Variants in GAB1 observed in about 807,000 individuals in gnomAD.
GAB1 encodes GRB2 associated binding protein 1, also known as GRB2-associated-binding protein 1.
In GAB1, 19 loss-of-function variants were observed where a neutral mutation model predicts 66.5. That is an observed-to-expected ratio of 0.29 (90% CI 0.20 to 0.42). The LOEUF is 0.42. Ranked by LOEUF, GAB1 falls within the 10% of genes least tolerant of loss-of-function variation. The probability of loss-of-function intolerance (pLI) is 1.00; values close to 1 mark genes in which losing one functional copy is unlikely to be tolerated. For missense variants in GAB1, 732 were observed against 858.5 expected (o/e 0.85, Z 1.84); for synonymous variants, 294 against 301.4 (o/e 0.98, Z 0.25).
chr4:143,366,780 T>C (rs62337519), intron 1 of GAB1, among the ~76,000 whole-genome samples: 6,463 of 152,236 alleles, frequency 0.042, 142 homozygotes, highest in African/African-American at 0.052. Context: ...CTAGAAATTT[T>C]CAATTTGAAA....
intron 1 of GAB1, among the ~76,000 whole-genome samples, chr4:143,374,639 G>A (rs1730335276): frequency 6.6e-6 from 1 of 152,190 alleles, no homozygotes. Flanking sequence ...CTATCACAGG[G>A]TTCACATGGG....
In GAB1 at chr4:143,353,406, C is replaced by A. The variant is rs541931915; in HGVS notation, c.72+16146C>A. Among the ~76,000 whole-genome samples the A allele has an allele frequency of 3.3e-5, 5 of 152,262 alleles. No homozygotes were observed. In the East Asian group the frequency reaches 9.7e-4, roughly 29 times the overall value. On this transcript the variant is annotated intron_variant, in intron 1 of 9. Coordinates refer to ENST00000262994, the MANE Select transcript of GAB1 (RefSeq NM_002039.4). The stretch of plus-strand genomic sequence containing the variant: ...GTTAAATGTATGTTTTCTAATCTAT[C>A]TCTTTTAACCTAAACTTTGATTTTA...
intron 2 of GAB1, among the ~76,000 whole-genome samples, chr4:143,432,758 G>T (rs185218060): frequency 6.6e-6 from 1 of 152,184 alleles, no homozygotes; most frequent in African/African-American, 2.4e-5. Context: ...AATTTCACAT[G>T]GTTTTCAAAT....
rs1736073907 is a variant in GAB1 at position 143,471,369 on chromosome 4, G to A, written c.*2180G>A. The A allele has an allele frequency of 6.6e-6, 1 of 152,154 alleles. No homozygotes were observed. Among genetic ancestry groups the A allele is most frequent in the African/African-American group, 2.4e-5 (1 of 41,450 alleles). 9.4% of individuals were successfully genotyped at this position (152,154 alleles called of 1,614,324 possible). On this transcript the variant is annotated 3_prime_UTR_variant, in exon 10 of 10. Transcript: ENST00000262994. ...CTAAATCACATTGAACATTGTATTA[G>A]AGAATTAAATTAAAAGTTTCTTACA... is the stretch of plus-strand genomic sequence containing the variant.
chr4:143,403,589 G>A (rs1436599599), intron 1 of GAB1, among the ~76,000 whole-genome samples: 2 of 152,206 alleles, frequency 1.3e-5, no homozygotes, highest in East Asian at 1.9e-4. Flanking sequence ...TCCAAGAATC[G>A]TGTTTTATGA....
At chr4:143,367,719 G>GTT (rs71588248) in intron 1 of GAB1, among the ~76,000 whole-genome samples, 25,141 of 94,560 alleles carry the variant, frequency 0.27, 2,415 homozygotes, top group South Asian at 0.41. Flanking sequence ...TCAGATGAGG[G>GTT]TTTTTTTTTT....
At chr4:143,339,862 G>A (rs1353145520) in intron 1 of GAB1, among the ~76,000 whole-genome samples, 1 of 152,204 alleles carries the variant, frequency 6.6e-6, no homozygotes, top group African/African-American at 2.4e-5. Context: ...GGATGAATGT[G>A]CCTAATAGCT....
At chr4:143,339,771 A>T (rs1728768407) in intron 1 of GAB1, among the ~76,000 whole-genome samples, 1 of 152,188 alleles carries the variant, frequency 6.6e-6, no homozygotes, top group Non-Finnish European at 1.5e-5. Flanking sequence ...GGCTGTTCTG[A>T]GGAACAAGTT....
At chr4:143,399,592 CATATCA>C (rs1204325918) in intron 1 of GAB1, among the ~76,000 whole-genome samples, 2 of 152,144 alleles carry the variant, frequency 1.3e-5, no homozygotes, top group Non-Finnish European at 2.9e-5. Context: ...AAAAGAAACC[CATATCA>C]ATACACTGCA....
At chr4:143,346,487 G>A (rs1410329933) in intron 1 of GAB1, among the ~76,000 whole-genome samples, 2 of 152,200 alleles carry the variant, frequency 1.3e-5, no homozygotes. Flanking sequence ...CTAAGGTGCT[G>A]GTGGAGGGAT....
At chr4:143,460,720 A>C (rs28924069) in intron 8 of GAB1, among the ~76,000 whole-genome samples, 1,818 of 152,222 alleles carry the variant, frequency 0.012, 39 homozygotes, top group African/African-American at 0.042. Context: ...CAGCAGCACA[A>C]CCCTGTAGTT....
intron 1 of GAB1, among the ~76,000 whole-genome samples, chr4:143,364,150 T>C (rs1204885107): frequency 6.7e-6 from 1 of 149,086 alleles, no homozygotes; most frequent in African/African-American, 2.5e-5. Context: ...ACCACACCAT[T>C]GCACTCCAGC....
intron 3 of GAB1, among the ~76,000 whole-genome samples, chr4:143,434,439 C>A (rs1435795619): frequency 6.6e-6 from 1 of 151,376 alleles, no homozygotes; most frequent in African/African-American, 2.4e-5. Context: ...ACTGTAACCC[C>A]AAACTCCTGG....
chr4:143,460,607 G>T, intron 8 of GAB1, 120 bp downstream of exon 8: 1 of 851,952 alleles, frequency 1.2e-6, no homozygotes, highest in Non-Finnish European at 1.7e-6. Flanking sequence ...AGCAGTAAAA[G>T]ACAACTTTTA....
In GAB1 at chr4:143,350,070, G is replaced by A; in HGVS notation, c.72+12810G>A. The A allele has an allele frequency of 2.7e-6, 4 of 1,480,422 alleles. No homozygotes were observed. In the Admixed American group the frequency reaches 7.6e-5, roughly 28 times the overall value. 91.7% of individuals were successfully genotyped at this position (1,480,422 alleles called of 1,614,324 possible). ...AGCCACCGCGGTTCCCCATCCCAGG[G>A]CCACCAGGGCCTCCGGGCCCTCCCG... On this transcript the variant is annotated intron_variant, in intron 1 of 9. Transcript: ENST00000262994.
chr4:143,339,814 A>G (rs548838711), intron 1 of GAB1, among the ~76,000 whole-genome samples: 1 of 152,336 alleles, frequency 6.6e-6, no homozygotes, highest in Admixed American at 6.5e-5. Flanking sequence ...AACATTTGAG[A>G]GAGACAGTGG....
At chr4:143,349,166 C>A in intron 1 of GAB1, 1 of 451,714 alleles carries the variant, frequency 2.2e-6, no homozygotes, top group Non-Finnish European at 3.9e-6. Flanking sequence ...AGGTCCCCCC[C>A]TTCCTAGATT....
At chr4:143,385,730 A>C (rs746686905) in intron 1 of GAB1, among the ~76,000 whole-genome samples, 1 of 152,242 alleles carries the variant, frequency 6.6e-6, no homozygotes, top group Non-Finnish European at 1.5e-5. Flanking sequence ...ATAAAATGTT[A>C]GCCAGCAGAC....
At chr4:143,426,669 G>C (rs1733374659) in intron 2 of GAB1, among the ~76,000 whole-genome samples, 1 of 152,132 alleles carries the variant, frequency 6.6e-6, no homozygotes, top group Non-Finnish European at 1.5e-5. Flanking sequence ...ATCCTTTCTT[G>C]TTTGTTATTG....
Sources: allele counts gnomAD v4.1 joint callset (sites outside exome capture counted in the v4.1 genomes callset), GRCh38; gene constraint gnomAD v4.1.1; transcripts MANE v1.5; gene names NCBI Gene and HGNC (gene_info 2026-07-23, HGNC 2026-07-21).